The following KDM4C variants were observed in gnomAD, a reference collection of about 807,000 sequenced individuals.
The protein encoded by KDM4C is lysine demethylase 4C.
A neutral mutation model predicts 129.3 loss-of-function variants in KDM4C; 81 were observed. That is an observed-to-expected ratio of 0.63 (90% CI 0.52 to 0.75). The LOEUF is 0.75. Ranked by LOEUF, KDM4C falls within the 30% of genes least tolerant of loss-of-function variation. The pLI is 0.00. For synonymous variants in KDM4C, 573 were observed against 456.1 expected (o/e 1.26, Z -3.26); for missense variants, 1,457 against 1,304.0 (o/e 1.12, Z -1.81).
chr9:7,053,668 C>T (rs1830512627), intron 17 of KDM4C, among the ~76,000 whole-genome samples: 1 of 152,192 alleles, frequency 6.6e-6, no homozygotes, highest in Admixed American at 6.5e-5. Context: ...AAACCTAAAA[C>T]ATTTTAATGA....
intron 1 of KDM4C, among the ~76,000 whole-genome samples, chr9:6,761,565 T>G (rs1819510111): frequency 6.6e-6 from 1 of 151,678 alleles, no homozygotes; most frequent in Admixed American, 6.6e-5. Flanking sequence ...AGCAGTCCGC[T>G]TGCCCCAGCC....
chr9:7,161,609 C>G (rs1843802045), intron 19 of KDM4C, among the ~76,000 whole-genome samples: 1 of 152,214 alleles, frequency 6.6e-6, no homozygotes, highest in Non-Finnish European at 1.5e-5. Flanking sequence ...CCCCACAGAG[C>G]CATGGGGTTT....
Position 7,011,881 on chromosome 9 carries a change from T to C in KDM4C, c.1968+2T>C. 6.2e-7 allele frequency: 1 copy of C among 1,611,452 alleles called. No homozygotes were observed. The highest frequency in any genetic ancestry group is 8.5e-7 in the Non-Finnish European group (1 of 1,178,508). On this transcript the variant is annotated splice_donor_variant, in intron 13 of 21. Transcript: ENST00000381309. LOFTEE classifies it high-confidence loss of function. The stretch of plus-strand genomic sequence containing the variant: ...ACTCTGCTCATGCCGTACCACAAGG[T>C]AAAGGAGCCTGCTATCATAGTTCCC...
upstream of KDM4C, chr9:6,757,514 G>A: frequency 7.2e-6 from 4 of 553,922 alleles, no homozygotes; most frequent in Non-Finnish European, 9.2e-6. Flanking sequence ...ACCGGGTGAA[G>A]GGAGAACGGG....
intron 15 of KDM4C, among the ~76,000 whole-genome samples, chr9:7,025,481 T>A (rs931544540): frequency 3.3e-5 from 5 of 152,234 alleles, no homozygotes; most frequent in African/African-American, 1.2e-4. Context: ...TGTCTTGTGG[T>A]ATGATTTAAT....
chr9:6,792,940 C>G (rs1564016193), intron 1 of KDM4C, 32 bp from the exon 2 acceptor site: 6 of 1,607,746 alleles, frequency 3.7e-6, no homozygotes, highest in Non-Finnish European at 4.3e-6. Flanking sequence ...TATAATAATT[C>G]AGTTCTGTTG....
intron 20 of KDM4C, among the ~76,000 whole-genome samples, chr9:7,166,406 G>A (rs1363135194): frequency 1.3e-5 from 2 of 151,724 alleles, no homozygotes; most frequent in Non-Finnish European, 2.9e-5. Context: ...AAAAACCTAA[G>A]GGGAATGGAT....
chr9:6,770,818 C>G (rs537585174), intron 1 of KDM4C, among the ~76,000 whole-genome samples: 1 of 135,522 alleles, frequency 7.4e-6, no homozygotes, highest in African/African-American at 2.8e-5. Flanking sequence ...CTCTGTCGCT[C>G]AGGCTGGAAT....
Position 6,805,753 on chromosome 9 carries a change from G to T in KDM4C, c.299G>T (p.Arg100Met). 6.2e-7 allele frequency: 1 copy of T among 1,612,660 alleles called. No homozygotes were observed. Residue 100 changes from arginine to methionine, a missense_variant, in exon 3 of 22, where the codon AGG becomes ATG. Arg to Met is a moderately conservative substitution (Grantham distance 91). Coordinates refer to ENST00000381309, the MANE Select transcript of KDM4C (RefSeq NM_015061.6). The stretch of plus-strand genomic sequence containing the variant: ...AAAGCGATGACTGTGAAGGAGTTCA[G>T]GCAGCTGGCCAACAGTGGCAAGTGA... ...QKKAMTVKEF[R>M]QLANSGKYCT... is the part of the protein sequence containing the mutation.
At chr9:6,837,983 A>C (rs1350119557) in intron 4 of KDM4C, among the ~76,000 whole-genome samples, 1 of 152,094 alleles carries the variant, frequency 6.6e-6, no homozygotes, top group African/African-American at 2.4e-5. Flanking sequence ...GTATTTCTGT[A>C]CTGTACTATG....
chr9:6,790,039 C>G (rs892893663), intron 1 of KDM4C, among the ~76,000 whole-genome samples: 1 of 149,070 alleles, frequency 6.7e-6, no homozygotes, highest in African/African-American at 2.5e-5. Context: ...TTTGGGAGGC[C>G]GAGGCGGGTG....
At chr9:6,846,983 G>T (rs1189747822) in intron 4 of KDM4C, among the ~76,000 whole-genome samples, 2 of 152,154 alleles carry the variant, frequency 1.3e-5, no homozygotes, top group Non-Finnish European at 2.9e-5. Flanking sequence ...CAGAGCTGGG[G>T]TTATAATCTA....
intron 8 of KDM4C, among the ~76,000 whole-genome samples, chr9:6,940,032 T>TCCTC (rs1485081331): frequency 7.9e-6 from 1 of 126,554 alleles, no homozygotes; most frequent in Non-Finnish European, 1.7e-5. Flanking sequence ...CTTCCTTCCT[T>TCCTC]CTTTCCTTCC....
chr9:6,937,670 CTG>C (rs931439116), intron 8 of KDM4C, among the ~76,000 whole-genome samples: 1 of 152,028 alleles, frequency 6.6e-6, no homozygotes, highest in African/African-American at 2.4e-5. Context: ...TCTGGGAACA[CTG>C]TTTTTTTCTT....
intron 4 of KDM4C, among the ~76,000 whole-genome samples, chr9:6,838,980 G>C (rs1431380292): frequency 2.6e-5 from 4 of 152,274 alleles, no homozygotes; most frequent in Non-Finnish European, 5.9e-5. Context: ...ATTGAATTTT[G>C]AAATCTTTAA....
Position 6,990,028 on chromosome 9 carries a change from T to C in KDM4C, c.1678-388T>C, listed in dbSNP as rs372914603. ...CCTGGGCTCAAGGGATCCCTTCACC[T>C]TGGCCTCCCAAAATGCTGAGATTAC... On this transcript the variant is annotated intron_variant, in intron 11 of 21. Transcript: ENST00000381309. 5.3e-5 allele frequency among the ~76,000 whole-genome samples: 8 copies of C among 152,222 alleles called. No individual in the cohort carries two copies. In the East Asian group the frequency reaches 1.2e-3, roughly 22 times the overall value.
intron 8 of KDM4C, among the ~76,000 whole-genome samples, chr9:6,921,006 A>G (rs1821403246): frequency 6.6e-6 from 1 of 152,052 alleles, no homozygotes; most frequent in Non-Finnish European, 1.5e-5. Context: ...TTGTTCCTTT[A>G]TTATTTTTTT....
intron 8 of KDM4C, among the ~76,000 whole-genome samples, chr9:6,976,682 CT>C (rs1378319233): frequency 2.6e-5 from 4 of 152,160 alleles, no homozygotes. Context: ...AGCTGATAGC[CT>C]TCAAGAGCAA....
At chr9:6,731,327 T>C (rs1313686865) in intron 1 of KDM4C, among the ~76,000 whole-genome samples, 1 of 113,980 alleles carries the variant, frequency 8.8e-6, no homozygotes. Context: ...TTTTTTTGCT[T>C]TTTTTTTTTT....
Sources: allele counts gnomAD v4.1 joint callset (sites outside exome capture counted in the v4.1 genomes callset), GRCh38; gene constraint gnomAD v4.1.1; transcripts MANE v1.5; gene names NCBI Gene and HGNC (gene_info 2026-07-23, HGNC 2026-07-21).